Variants in FGF23 observed in about 807,000 individuals in gnomAD.
The protein encoded by FGF23 is fibroblast growth factor 23, also known as phosphatonin.
In FGF23, 8 loss-of-function variants were observed where a neutral mutation model predicts 9.0. That is an observed-to-expected ratio of 0.89 (90% CI 0.52 to 1.60). The LOEUF (loss-of-function observed/expected upper bound fraction) is 1.60, where lower values mean the gene tolerates loss of function less well. Ranked by LOEUF, FGF23 falls within the 40% of genes most tolerant of loss-of-function variation. The probability of loss-of-function intolerance (pLI) is 0.00; values close to 1 mark genes in which losing one functional copy is unlikely to be tolerated. For missense variants in FGF23, 311 were observed against 344.3 expected (o/e 0.90, Z 0.77); for synonymous variants, 118 against 146.2 (o/e 0.81, Z 1.39).
intron 1 of FGF23, among the ~76,000 whole-genome samples, chr12:4,374,307 G>A (rs1865094288): frequency 6.6e-6 from 1 of 152,202 alleles, no homozygotes; most frequent in Non-Finnish European, 1.5e-5. Context: ...TGTCTCAAAT[G>A]TATGGCTAGT....
chr12:4,370,552 C>T lies in FGF23; in HGVS notation c.547G>A (p.Asp183Asn), dbSNP rs769657664. The change falls in exon 3 of 3, where the codon GAC (aspartate) becomes AAC (asparagine). Residue 183 changes from aspartate to asparagine, a missense_variant. By Grantham distance (23) the Asp-to-Asn change is conservative. Around this residue, in one of 3 missense-constraint regions of FGF23, gnomAD observed 206 missense variants for 219.2 expected, o/e 0.94. Coordinates refer to ENST00000237837, the MANE Select transcript of FGF23 (RefSeq NM_020638.3). ...IPRRHTRSAE[D>N]DSERDPLNVL... ...TTCAGGGGGTCCCGCTCCGAGTCGT[C>T]CTCGGCGCTCCGGGTGTGCCGCCGT... 3 of 1,613,868 alleles carry T rather than the reference C, an allele frequency of 1.9e-6. No homozygotes were observed. The highest frequency in any genetic ancestry group is 2.2e-5 in the South Asian group (2 of 91,076).
At chr12:4,378,676 ACTGGGTAC>A (rs1448609620) in intron 1 of FGF23, among the ~76,000 whole-genome samples, 11 of 152,112 alleles carry the variant, frequency 7.2e-5, no homozygotes, top group African/African-American at 2.7e-4. Flanking sequence ...ACCAACTCAT[ACTGGGTAC>A]CTGGGTACCT....
At chr12:4,373,279 A>G (rs1865082906) in intron 1 of FGF23, among the ~76,000 whole-genome samples, 1 of 152,212 alleles carries the variant, frequency 6.6e-6, no homozygotes, top group Non-Finnish European at 1.5e-5. Flanking sequence ...CTCAGGCGTC[A>G]CCATCTCTAT....
At position 4,368,974 on chromosome 12, in the gene FGF23, A is replaced by G; in HGVS notation, c.*1369T>C. 4.4e-6 allele frequency: 1 copy of G among 225,652 alleles called. No homozygotes were observed. The highest frequency in any genetic ancestry group is 6.4e-5 in the East Asian group (1 of 15,604). The allele number at this position is 225,652 out of a possible 1,614,324, so 14.0% of individuals were successfully genotyped here. A position where few individuals can be genotyped will look rare whatever the true frequency, so the allele number is the denominator to read the frequency against. On this transcript the variant is annotated 3_prime_UTR_variant, in exon 3 of 3. Transcript: ENST00000237837. ...AGTGACTGGGAAGAAGCTGTTGTTG[A>G]ATCGACTTTGCTTGTTAATATACTG...
Position 4,370,621 on chromosome 12 carries a change from G to A in FGF23, c.478C>T (p.Arg160Trp), listed in dbSNP as rs781007951. The A allele has an allele frequency of 2.0e-5, 32 of 1,614,062 alleles. No homozygotes were observed. The highest frequency in any genetic ancestry group is 2.5e-5 in the Non-Finnish European group (30 of 1,179,958). Reference protein sequence around the residue: ...NPPPYSQFLSRRNEIPLIHFN... With the variant: ...NPPPYSQFLSWRNEIPLIHFN... ...TGAATTAGGGGGATCTCGTTCCTCCGGGACAGGAACTGGGAGTACGGGGGT... is the reference window on the plus strand; with the variant it reads ...TGAATTAGGGGGATCTCGTTCCTCCAGGACAGGAACTGGGAGTACGGGGGT... Residue 160 changes from arginine (R) to tryptophan (W), a missense_variant, in exon 3 of 3, where the codon CGG becomes TGG. By Grantham distance (101) the Arg-to-Trp change is moderately radical. Coordinates refer to ENST00000237837, the MANE Select transcript of FGF23 (RefSeq NM_020638.3).
At chr12:4,377,492 G>A (rs951935737) in intron 1 of FGF23, among the ~76,000 whole-genome samples, 7 of 132,390 alleles carry the variant, frequency 5.3e-5, no homozygotes, top group Admixed American at 8.3e-5. Context: ...GTGCAGTGGC[G>A]CAATCTCGGC....
At chr12:4,377,459 C>T (rs1865129759) in intron 1 of FGF23, among the ~76,000 whole-genome samples, 1 of 93,850 alleles carries the variant, frequency 1.1e-5, no homozygotes, top group South Asian at 3.9e-4. Context: ...GAGATGGAGT[C>T]TCGCTCTGTC....
rs1250468927 is a variant in FGF23 at position 4,369,049 on chromosome 12, A to G, written c.*1294T>C. ...AGGGAGGAAAATGGAGCCCCCTTAC[A>G]GGAAGAACCGCAGTAATGGGGTAAG... is the stretch of plus-strand genomic sequence containing the variant. On this transcript the variant is annotated 3_prime_UTR_variant, in exon 3 of 3. Transcript: ENST00000237837. 8.8e-6 allele frequency: 2 copies of G among 228,020 alleles called. No individual in the cohort carries two copies. Among genetic ancestry groups the G allele is most frequent in the Non-Finnish European group, 1.7e-5 (2 of 114,770 alleles). 14.1% of individuals were successfully genotyped at this position (228,020 alleles called of 1,614,324 possible).
rs765478662 is a variant in FGF23, at chr12:4,370,768, C to T, written c.331G>A (p.Glu111Lys). ...GTCTGGTGTTGGAACCTGCAGTTCT[C>T]CGGGTCGAAATAGTGCTGGAAGGAC... ...NIFGSHYFDPENCRFQHQTLE... is the reference protein window; with the variant it reads ...NIFGSHYFDPKNCRFQHQTLE... Residue 111 changes from glutamate (E) to lysine (K), a missense_variant, in exon 3 of 3, where the codon GAG (glutamate) becomes AAG (lysine). Glu to Lys is a moderately conservative substitution (Grantham distance 56). Around this residue, in one of 3 missense-constraint regions of FGF23, gnomAD observed 206 missense variants for 219.2 expected, o/e 0.94. Transcript: ENST00000237837. The T allele has an allele frequency of 8.7e-6, 14 of 1,614,038 alleles. No individual in the cohort carries two copies. In the Admixed American group the frequency reaches 2.2e-4, roughly 25 times the overall value.
In FGF23 at chr12:4,368,459, G is replaced by A. The variant is rs1865028158; in HGVS notation, c.*1884C>T. On this transcript the variant is annotated 3_prime_UTR_variant, in exon 3 of 3. Coordinates refer to ENST00000237837, the MANE Select transcript of FGF23 (RefSeq NM_020638.3). ...AAGAGGATAAGCTAACAGAAGCTGA[G>A]ATAAATTTTATTTTTATTTTAAACA... 5.5e-6 allele frequency: 1 copy of A among 182,846 alleles called. No homozygotes were observed. The highest frequency in any genetic ancestry group is 1.2e-5 in the Non-Finnish European group (1 of 86,136). The allele number at this position is 182,846 out of a possible 1,614,324, so 11.3% of individuals were successfully genotyped here.
At chr12:4,375,362 C>T (rs994079560) in intron 1 of FGF23, among the ~76,000 whole-genome samples, 1 of 152,108 alleles carries the variant, frequency 6.6e-6, no homozygotes, top group Admixed American at 6.5e-5. Flanking sequence ...AAACATCCGG[C>T]GGTGGTTGAG....
Position 4,379,591 on chromosome 12 carries a change from G to A in FGF23, c.-9C>T. The A allele has an allele frequency of 6.3e-7, 1 of 1,582,676 alleles. No individual in the cohort carries two copies. Among genetic ancestry groups the A allele is most frequent in the Non-Finnish European group, 8.6e-7 (1 of 1,167,228 alleles). On this transcript the variant is annotated 5_prime_UTR_variant, in exon 1 of 3. Coordinates refer to ENST00000237837, the MANE Select transcript of FGF23 (RefSeq NM_020638.3). ...AGGCGGGCCCCCAACATCGTGCCCT[G>A]CTCTGAGTGGCTGGTGCTGAGATTG...
Position 4,370,305 on chromosome 12 carries a change from C to A in FGF23, c.*38G>T. Reference sequence around the variant, plus strand: ...TGGTCCTTGGGAAGAGCTGCGTTTGCTGAGGGATGGGTTAAAGAGGGTGCC... The same window carrying A: ...TGGTCCTTGGGAAGAGCTGCGTTTGATGAGGGATGGGTTAAAGAGGGTGCC... On this transcript the variant is annotated 3_prime_UTR_variant, in exon 3 of 3. Coordinates refer to ENST00000237837, the MANE Select transcript of FGF23 (RefSeq NM_020638.3). The A allele has an allele frequency of 6.3e-7, 1 of 1,592,942 alleles. No homozygotes were observed. The highest frequency in any genetic ancestry group is 8.6e-7 in the Non-Finnish European group (1 of 1,164,566).
chr12:4,378,306 C>T (rs2120744819), intron 1 of FGF23, among the ~76,000 whole-genome samples: 1 of 152,052 alleles, frequency 6.6e-6, no homozygotes. Context: ...AATCATAATT[C>T]CTATGTTTTC....
chr12:4,379,629 C>T lies in FGF23; in HGVS notation c.-47G>A. On this transcript the variant is annotated 5_prime_UTR_variant, in exon 1 of 3. Transcript: ENST00000237837. ...GGTGCTGAGATTGAAACCTGACACT[C>T]CTGTCGGGACTCTCCTGGCCCAGGC... 6.8e-7 allele frequency: 1 copy of T among 1,480,352 alleles called. No homozygotes were observed. The highest frequency in any genetic ancestry group is 9.2e-7 in the Non-Finnish European group (1 of 1,090,194). 91.7% of individuals were successfully genotyped at this position (1,480,352 alleles called of 1,614,324 possible). A position where few individuals can be genotyped will look rare whatever the true frequency, so the allele number is the denominator to read the frequency against.
chr12:4,379,586 G>T lies in FGF23; in HGVS notation c.-4C>A. On this transcript the variant is annotated 5_prime_UTR_variant, in exon 1 of 3. Coordinates refer to ENST00000237837, the MANE Select transcript of FGF23 (RefSeq NM_020638.3). ...GCCTGAGGCGGGCCCCCAACATCGT[G>T]CCCTGCTCTGAGTGGCTGGTGCTGA... The T allele has an allele frequency of 6.3e-7, 1 of 1,591,232 alleles. No homozygotes were observed. The highest frequency in any genetic ancestry group is 8.5e-7 in the Non-Finnish European group (1 of 1,171,530).
chr12:4,375,158 A>G (rs948244832), intron 1 of FGF23, among the ~76,000 whole-genome samples: 4 of 152,188 alleles, frequency 2.6e-5, no homozygotes, highest in African/African-American at 9.7e-5. Flanking sequence ...TCATAGGGTG[A>G]TGATCGAAGG....
intron 1 of FGF23, among the ~76,000 whole-genome samples, chr12:4,378,753 GAT>G (rs1865145649): frequency 1.3e-5 from 2 of 151,948 alleles, no homozygotes; most frequent in African/African-American, 4.8e-5. Context: ...TGGATGGATG[GAT>G]GGATGGATGG....
chr12:4,377,693 G>A (rs1297348384), intron 1 of FGF23, among the ~76,000 whole-genome samples: 1 of 120,174 alleles, frequency 8.3e-6, no homozygotes, highest in African/African-American at 2.8e-5. Context: ...GCCTCCCAGA[G>A]TGCTGGGATT....
Sources: gnomAD v4.1 joint callset for allele counts (sites outside exome capture counted in the v4.1 genomes callset) on GRCh38, gnomAD v4.1.1 for gene constraint, gnomAD v4.1.1 regional missense constraint, MANE v1.5 for transcripts, NCBI Gene and HGNC (gene_info 2026-07-23, HGNC 2026-07-21) for gene names.